FAM193A: variants seen among roughly 807,000 people sequenced by gnomAD.
FAM193A encodes the protein family with sequence similarity 193 member A.
In FAM193A, 22 loss-of-function variants were observed where a neutral mutation model predicts 126.5. The ratio of observed to expected loss-of-function variants is 0.17; its 90% CI spans 0.12 to 0.25. The LOEUF is 0.25. Ranked by LOEUF, FAM193A falls within the 10% of genes least tolerant of loss-of-function variation. The pLI is 1.00. For missense variants in FAM193A, 1,675 were observed against 1,672.8 expected, an observed-to-expected ratio of 1.00 and a Z score of -0.02; for synonymous variants, 761 against 646.8, an observed-to-expected ratio of 1.18 and a Z score of -2.68.
chr4:2,644,005 T>C (rs1744890309), intron 6 of FAM193A, among the ~76,000 whole-genome samples: 1 of 152,208 alleles, frequency 6.6e-6, no homozygotes, highest in Admixed American at 6.5e-5. Flanking sequence ...CACATACACA[T>C]TGGTAACATT....
chr4:2,551,099 T>A (rs1035613397), intron 1 of FAM193A, among the ~76,000 whole-genome samples: 2 of 152,166 alleles, frequency 1.3e-5, no homozygotes, highest in Non-Finnish European at 2.9e-5. Flanking sequence ...GCCTGGTCAT[T>A]TATTTTTTAA....
chr4:2,612,795 C>G (rs1741956123), intron 2 of FAM193A, among the ~76,000 whole-genome samples: 1 of 152,172 alleles, frequency 6.6e-6, no homozygotes, highest in African/African-American at 2.4e-5. Flanking sequence ...TATTCCTTTG[C>G]CAGTACCATA....
intron 2 of FAM193A, among the ~76,000 whole-genome samples, chr4:2,620,831 C>T (rs1199213241): frequency 9.3e-6 from 1 of 107,100 alleles, no homozygotes; most frequent in East Asian, 2.3e-4. Flanking sequence ...ACTGCAACTC[C>T]GTCTCAAAAA....
chr4:2,573,179 A>T (rs961564594), intron 1 of FAM193A, among the ~76,000 whole-genome samples: 1 of 151,602 alleles, frequency 6.6e-6, no homozygotes, highest in East Asian at 1.9e-4. Context: ...CTCTACTCTC[A>T]GAGGTTTGTG....
chr4:2,697,638 T>G (rs1489450912), intron 18 of FAM193A, among the ~76,000 whole-genome samples: 1 of 152,216 alleles, frequency 6.6e-6, no homozygotes, highest in African/African-American at 2.4e-5. Flanking sequence ...GGGCCCGATG[T>G]CCTGTGTTGT....
At chr4:2,683,456 G>A (rs1189027348) in intron 13 of FAM193A, among the ~76,000 whole-genome samples, 5 of 151,978 alleles carry the variant, frequency 3.3e-5, no homozygotes, top group South Asian at 4.2e-4. Context: ...CATCATGCCC[G>A]GCTAATTTTT....
intron 12 of FAM193A, among the ~76,000 whole-genome samples, chr4:2,670,045 C>G (rs187612944): frequency 6.6e-6 from 1 of 152,204 alleles, no homozygotes; most frequent in Non-Finnish European, 1.5e-5. Context: ...ATGCTCTTCC[C>G]CCTTTCCTCT....
chr4:2,660,272 G>C (rs935050504), intron 10 of FAM193A, among the ~76,000 whole-genome samples: 1 of 151,830 alleles, frequency 6.6e-6, no homozygotes, highest in Non-Finnish European at 1.5e-5. Flanking sequence ...AATTAATAAA[G>C]GCCAGTAAAG....
intron 1 of FAM193A, among the ~76,000 whole-genome samples, chr4:2,582,792 G>A (rs573751999): frequency 1.8e-4 from 28 of 152,104 alleles, no homozygotes; most frequent in African/African-American, 6.3e-4. Context: ...TTTTACCATG[G>A]CAGTGTTTGA....
upstream of FAM193A, among the ~76,000 whole-genome samples, chr4:2,535,716 G>A (rs61790194): frequency 0.26 from 39,433 of 152,138 alleles, 5,773 homozygotes; most frequent in African/African-American, 0.39. Context: ...TCGTCCCCGA[G>A]GTGCGTGAGT....
At chr4:2,683,458 C>G (rs955570618) in intron 13 of FAM193A, among the ~76,000 whole-genome samples, 1 of 152,130 alleles carries the variant, frequency 6.6e-6, no homozygotes, top group African/African-American at 2.4e-5. Flanking sequence ...TCATGCCCGG[C>G]TAATTTTTGT....
chr4:2,608,442 A>ACCTCAGATGATCTGCCTG (rs1741673186), intron 2 of FAM193A, among the ~76,000 whole-genome samples: 2 of 152,116 alleles, frequency 1.3e-5, no homozygotes, highest in Admixed American at 1.3e-4. Context: ...CCCTGGCTGG[A>ACCTCAGATGATCTGCCTG]CCTCAGATGA....
At chr4:2,654,368 T>G (rs1577144997) in intron 7 of FAM193A, 1 of 145,826 alleles carries the variant, frequency 6.9e-6, no homozygotes, top group African/African-American at 2.5e-5. Context: ...CACACCACCA[T>G]GCCTGGCTAA....
chr4:2,725,637 C>G (rs1361815394), intron 20 of FAM193A, among the ~76,000 whole-genome samples: 2 of 151,678 alleles, frequency 1.3e-5, no homozygotes, highest in East Asian at 3.9e-4. Context: ...AGGGATAACT[C>G]ATATCCTGTA....
intron 19 of FAM193A, among the ~76,000 whole-genome samples, chr4:2,713,155 T>C (rs1343470516): frequency 6.8e-6 from 1 of 146,662 alleles, no homozygotes; most frequent in African/African-American, 2.5e-5. Context: ...GCCTGTAATC[T>C]CAGCACTTTG....
intron 19 of FAM193A, among the ~76,000 whole-genome samples, chr4:2,704,999 C>A (rs1042385662): frequency 2.0e-4 from 31 of 152,116 alleles, no homozygotes; most frequent in African/African-American, 7.0e-4. Context: ...GCAAGCTCCG[C>A]CTCCGGGGGT....
chr4:2,719,427 C>T (rs1045854943), intron 20 of FAM193A, among the ~76,000 whole-genome samples: 70 of 152,148 alleles, frequency 4.6e-4, no homozygotes, highest in African/African-American at 1.6e-3. Context: ...ATCCCAGGAA[C>T]GCAAATAGTG....
intron 5 of FAM193A, among the ~76,000 whole-genome samples, chr4:2,633,178 A>G (rs1743766154): frequency 1.3e-5 from 2 of 152,152 alleles, no homozygotes; most frequent in African/African-American, 4.8e-5. Context: ...CAGGCAGATC[A>G]CCTGAGGTCA....
chr4:2,662,788 T>A, intron 10 of FAM193A, 50 bp from the exon 11 acceptor site: 1 of 1,491,186 alleles, frequency 6.7e-7, no homozygotes, highest in Non-Finnish European at 9.3e-7. Flanking sequence ...GTTTACTCAT[T>A]GTCTTTCACA....
Sources: gnomAD v4.1 joint callset for allele counts (sites outside exome capture counted in the v4.1 genomes callset) on GRCh38, gnomAD v4.1.1 for gene constraint, MANE v1.5 for transcripts, NCBI Gene and HGNC (gene_info 2026-07-23, HGNC 2026-07-21) for gene names.